EYA3: variants seen among roughly 807,000 people sequenced by gnomAD.
The protein encoded by EYA3 is EYA transcriptional coactivator and phosphatase 3.
Under a neutral mutation model 80.0 loss-of-function variants are expected in EYA3, and 39 were observed. That is an observed-to-expected ratio of 0.49 (90% CI 0.38 to 0.64). The LOEUF (loss-of-function observed/expected upper bound fraction) is 0.64, where lower values mean the gene tolerates loss of function less well. EYA3 is among the 30% of genes least tolerant of loss of function. The pLI is 0.00. For missense variants in EYA3, 523 were observed against 676.1 expected, an observed-to-expected ratio of 0.77 and a Z score of 2.51; for synonymous variants, 206 against 232.8, an observed-to-expected ratio of 0.88 and a Z score of 1.05.
At chr1:27,981,249 T>C (rs1050494765) in intron 16 of EYA3, among the ~76,000 whole-genome samples, 3 of 152,200 alleles carry the variant, frequency 2.0e-5, no homozygotes, top group East Asian at 3.8e-4. Flanking sequence ...GTGGTTACCA[T>C]AGCACCAGAT....
chr1:28,076,374 G>A (rs1366668435), intron 1 of EYA3, among the ~76,000 whole-genome samples: 1 of 152,060 alleles, frequency 6.6e-6, no homozygotes, highest in African/African-American at 2.4e-5. Context: ...CATATATTTA[G>A]GCTCTAACAA....
At chr1:27,979,369 A>G (rs760375964) in intron 16 of EYA3, among the ~76,000 whole-genome samples, 4 of 152,198 alleles carry the variant, frequency 2.6e-5, no homozygotes, top group South Asian at 4.1e-4. Flanking sequence ...ACCAATAAAT[A>G]TGGCATCAAC....
intron 8 of EYA3, 83 bp downstream of exon 8, chr1:28,017,071 A>T: frequency 8.3e-7 from 1 of 1,210,952 alleles, no homozygotes; most frequent in Non-Finnish European, 1.2e-6. Flanking sequence ...GTTGTTTCTT[A>T]GATAGGCAAA....
At chr1:28,081,034 G>A (rs1433579423) in intron 1 of EYA3, among the ~76,000 whole-genome samples, 1 of 152,142 alleles carries the variant, frequency 6.6e-6, no homozygotes, top group African/African-American at 2.4e-5. Flanking sequence ...TGGGATTACA[G>A]GCATGAGCCA....
Position 27,988,721 on chromosome 1 carries a change from T to G in EYA3, c.1419-65A>C, listed in dbSNP as rs538685129. 8.3e-6 allele frequency: 13 copies of G among 1,572,966 alleles called. No homozygotes were observed. In the African/African-American group the frequency reaches 1.8e-4, roughly 21 times the overall value. ...ACCAACCTGGGAGCAAGAATTCGTATGTGCCAACTCTTTAGAATTTAATTA... is the reference window on the plus strand; with the variant it reads ...ACCAACCTGGGAGCAAGAATTCGTAGGTGCCAACTCTTTAGAATTTAATTA... On this transcript the variant is annotated intron_variant, in intron 15 of 17. Coordinates refer to ENST00000373871, the MANE Select transcript of EYA3 (RefSeq NM_001990.4).
chr1:28,036,274 C>T (rs1256336908), intron 5 of EYA3, among the ~76,000 whole-genome samples: 1 of 152,110 alleles, frequency 6.6e-6, no homozygotes, highest in Non-Finnish European at 1.5e-5. Context: ...CATGCATGGC[C>T]CTATGTGAGA....
At position 28,009,307 on chromosome 1, in the gene EYA3, A is replaced by G. The variant is rs1187966298; in HGVS notation, c.909+1640T>C. Among the ~76,000 whole-genome samples the G allele has an allele frequency of 1.3e-5, 2 of 152,212 alleles. No homozygotes were observed. The highest frequency in any genetic ancestry group is 2.9e-5 in the Non-Finnish European group (2 of 68,036). ...TATACATATAATAAAATATTCAGAC[A>G]TAAAAAGGAATGAAATTCTGGTATG... On this transcript the variant is annotated intron_variant, in intron 10 of 17. Transcript: ENST00000373871. The surrounding 1 kb of genome is among the most constrained non-coding windows in gnomAD (Gnocchi z 4.8).
At chr1:27,990,741 TG>T (rs1400394549) in intron 14 of EYA3, among the ~76,000 whole-genome samples, 1 of 151,734 alleles carries the variant, frequency 6.6e-6, no homozygotes, top group Non-Finnish European at 1.5e-5. Flanking sequence ...TTAGTAGAGA[TG>T]GGGTTTCATC....
At chr1:27,981,759 G>A (rs1340109734) in intron 16 of EYA3, among the ~76,000 whole-genome samples, 158 of 132,174 alleles carry the variant, frequency 1.2e-3, no homozygotes, top group African/African-American at 4.3e-3. Context: ...GTGAGACCCT[G>A]TCTCAAAAAA....
intron 2 of EYA3, among the ~76,000 whole-genome samples, chr1:28,055,896 T>C (rs1458858533): frequency 6.6e-6 from 1 of 152,152 alleles, no homozygotes; most frequent in Non-Finnish European, 1.5e-5. Context: ...CGACCATCAG[T>C]AACATCTCTA....
intron 17 of EYA3, chr1:27,977,308 T>A (rs1412307528): frequency 1.3e-6 from 2 of 1,550,408 alleles, no homozygotes; most frequent in African/African-American, 2.7e-5. Flanking sequence ...TTGCTAAGGT[T>A]TCCACTTAAC....
chr1:28,000,557 C>G (rs1168958206), intron 11 of EYA3, among the ~76,000 whole-genome samples: 1 of 152,046 alleles, frequency 6.6e-6, no homozygotes, highest in African/African-American at 2.4e-5. Flanking sequence ...TGTGATCCAC[C>G]CCCGTCGGCC....
At chr1:28,002,243 T>C (rs1446690432) in intron 11 of EYA3, among the ~76,000 whole-genome samples, 5 of 151,932 alleles carry the variant, frequency 3.3e-5, no homozygotes, top group Non-Finnish European at 1.5e-5. Context: ...GAGATGGGGT[T>C]TCACCCTGTT....
intron 1 of EYA3, among the ~76,000 whole-genome samples, chr1:28,058,812 A>C (rs1018112279): frequency 6.6e-6 from 1 of 152,230 alleles, no homozygotes; most frequent in South Asian, 2.1e-4. Flanking sequence ...CAAACAAAAA[A>C]GGAAAAATGG....
intron 1 of EYA3, among the ~76,000 whole-genome samples, chr1:28,081,972 A>G (rs1645445842): frequency 6.6e-6 from 1 of 152,130 alleles, no homozygotes; most frequent in African/African-American, 2.4e-5. Flanking sequence ...TTTAAAAGGG[A>G]ATTGCTTTGA....
chr1:27,983,071 G>T (rs905344961), intron 16 of EYA3, among the ~76,000 whole-genome samples: 1 of 151,476 alleles, frequency 6.6e-6, no homozygotes, highest in Admixed American at 6.6e-5. Flanking sequence ...TTACTCAAAG[G>T]TAGAGGTTAG....
At chr1:27,993,781 G>A (rs757748156) in intron 13 of EYA3, among the ~76,000 whole-genome samples, 3 of 152,166 alleles carry the variant, frequency 2.0e-5, no homozygotes, top group African/African-American at 7.2e-5. Flanking sequence ...GGAATGAAAG[G>A]TAGAAACAAT....
At chr1:28,083,150 T>C (rs1489906367) in intron 1 of EYA3, among the ~76,000 whole-genome samples, 1 of 152,202 alleles carries the variant, frequency 6.6e-6, no homozygotes, top group Non-Finnish European at 1.5e-5. Context: ...AGCTCTTTGA[T>C]AACTAGTTGT....
intron 9 of EYA3, among the ~76,000 whole-genome samples, chr1:28,012,894 T>C (rs1480259153): frequency 1.2e-4 from 18 of 152,176 alleles, no homozygotes; most frequent in African/African-American, 2.4e-5. Context: ...AAGAGTCTTT[T>C]AGTTCTTGAT....
Sources: allele counts gnomAD v4.1 joint callset (sites outside exome capture counted in the v4.1 genomes callset), GRCh38; gene constraint gnomAD v4.1.1; non-coding constraint Gnocchi (gnomAD v3.1); transcripts MANE v1.5; gene names NCBI Gene and HGNC (gene_info 2026-07-23, HGNC 2026-07-21).